Variants in RANBP2 observed in about 807,000 individuals in gnomAD.
The protein encoded by RANBP2 is RAN binding protein 2, also known as E3 SUMO-protein ligase RanBP2.
A neutral mutation model predicts 303.6 loss-of-function variants in RANBP2; 57 were observed. The ratio of observed to expected loss-of-function variants is 0.19; its 90% confidence interval spans 0.15 to 0.23. RANBP2 has a LOEUF of 0.23. Among genes scored for constraint, RANBP2 ranks in the 10% least tolerant of loss-of-function variants. The pLI is 1.00. For missense variants in RANBP2, 3,138 were observed against 3,780.8 expected (o/e 0.83, Z 4.46); for synonymous variants, 1,167 against 1,301.5 (o/e 0.90, Z 2.23).
the RANBP2 span, among the ~76,000 whole-genome samples, chr2:109,733,528 C>T: frequency 2.0e-5 from 3 of 152,030 alleles, no homozygotes; most frequent in African/African-American, 7.2e-5. Context: ...GAAAAAGATT[C>T]CCACTGCTAT....
chr2:109,076,295 A>G, the RANBP2 span, among the ~76,000 whole-genome samples: 9 of 150,956 alleles, frequency 6.0e-5, no homozygotes, highest in Middle Eastern at 3.4e-3. Context: ...ACCTTAATCC[A>G]ATAAAGACCA....
chr2:108,967,008 C>T, the RANBP2 span, among the ~76,000 whole-genome samples: 1 of 152,232 alleles, frequency 6.6e-6, no homozygotes, highest in Non-Finnish European at 1.5e-5. Flanking sequence ...AGTCTTGGCC[C>T]ACTGAAACCT....
chr2:109,153,098 G>A, the RANBP2 span, among the ~76,000 whole-genome samples: 1 of 152,156 alleles, frequency 6.6e-6, no homozygotes, highest in Non-Finnish European at 1.5e-5. Flanking sequence ...GCTTTTGTCA[G>A]AAAACCCATT....
the RANBP2 span, among the ~76,000 whole-genome samples, chr2:109,028,409 A>T: frequency 2.6e-5 from 4 of 152,216 alleles, no homozygotes; most frequent in Non-Finnish European, 4.4e-5. Context: ...GAAGAGCCTT[A>T]CACCAAGAAG....
chr2:109,456,030 C>T, the RANBP2 span, among the ~76,000 whole-genome samples: 3 of 152,232 alleles, frequency 2.0e-5, no homozygotes, highest in East Asian at 5.8e-4. Flanking sequence ...AGCCCCTTGG[C>T]CCATGCTCTG....
At chr2:109,265,169 T>C in the RANBP2 span, among the ~76,000 whole-genome samples, 2 of 151,906 alleles carry the variant, frequency 1.3e-5, no homozygotes. Context: ...AGAAGGAACA[T>C]TGAAGAGAGC....
chr2:108,889,992 CTT>C, the RANBP2 span, among the ~76,000 whole-genome samples: 1 of 152,088 alleles, frequency 6.6e-6, no homozygotes, highest in Non-Finnish European at 1.5e-5. Flanking sequence ...TGCTTCCAGG[CTT>C]AAAATTCCCT....
At chr2:108,880,543 A>T in the RANBP2 span, among the ~76,000 whole-genome samples, 1 of 151,996 alleles carries the variant, frequency 6.6e-6, no homozygotes, top group Non-Finnish European at 1.5e-5. Flanking sequence ...GGACAGGCTG[A>T]CTCTCTTGTT....
At chr2:109,718,903 G>A in the RANBP2 span, among the ~76,000 whole-genome samples, 56 of 150,370 alleles carry the variant, frequency 3.7e-4, no homozygotes, top group African/African-American at 1.2e-3. Context: ...CCAGCTACTC[G>A]TGAGGCTGAG....
At chr2:109,539,434 C>A in the RANBP2 span, among the ~76,000 whole-genome samples, 2 of 152,072 alleles carry the variant, frequency 1.3e-5, no homozygotes, top group Non-Finnish European at 2.9e-5. Context: ...GAAGTCAACC[C>A]GTGAAGCCTG....
At chr2:109,443,664 C>T in the RANBP2 span, among the ~76,000 whole-genome samples, 329 of 152,158 alleles carry the variant, frequency 2.2e-3, 2 homozygotes, top group African/African-American at 7.3e-3. Context: ...AAGGCAATTT[C>T]GTAACAATAA....
At chr2:109,574,042 C>CA in the RANBP2 span, among the ~76,000 whole-genome samples, 4 of 152,226 alleles carry the variant, frequency 2.6e-5, no homozygotes, top group South Asian at 4.1e-4. Flanking sequence ...TTAATCACTA[C>CA]AAAGGAAACT....
At chr2:109,545,870 G>C in the RANBP2 span, 37 of 1,445,630 alleles carry the variant, frequency 2.6e-5, 2 homozygotes, top group African/African-American at 2.5e-4. Context: ...TGCTGTTCTG[G>C]ATGCTGGGGA....
chr2:109,670,563 C>T, the RANBP2 span, among the ~76,000 whole-genome samples: 3 of 152,080 alleles, frequency 2.0e-5, no homozygotes, highest in Non-Finnish European at 4.4e-5. Context: ...GCAGCAGTGA[C>T]AGCAGTGGCC....
the RANBP2 span, among the ~76,000 whole-genome samples, chr2:108,934,181 A>C: frequency 6.6e-6 from 1 of 152,104 alleles, no homozygotes; most frequent in Non-Finnish European, 1.5e-5. Context: ...CAGAACTAAA[A>C]GTCTGTGGCC....
At chr2:109,130,075 CG>C in the RANBP2 span, 1 of 1,365,302 alleles carries the variant, frequency 7.3e-7, no homozygotes, top group Non-Finnish European at 9.4e-7. Context: ...CGGCAGTCTG[CG>C]GGAGCTGGCG....
the RANBP2 span, chr2:108,839,212 C>T: frequency 4.3e-6 from 7 of 1,611,416 alleles, no homozygotes; most frequent in Admixed American, 1.7e-5. Flanking sequence ...AGAGCAGCTA[C>T]AGTGGATGCC....
the RANBP2 span, among the ~76,000 whole-genome samples, chr2:109,079,486 A>T: frequency 6.6e-6 from 1 of 152,176 alleles, no homozygotes; most frequent in East Asian, 1.9e-4. Context: ...TAAAGAGTCA[A>T]CTGTATATCA....
At chr2:109,467,611 A>G in the RANBP2 span, among the ~76,000 whole-genome samples, 1 of 152,364 alleles carries the variant, frequency 6.6e-6, no homozygotes, top group Middle Eastern at 3.4e-3. Context: ...GATATTTTTA[A>G]AAGTTAAGAC....
Sources: allele counts gnomAD v4.1 joint callset (sites outside exome capture counted in the v4.1 genomes callset), GRCh38; gene constraint gnomAD v4.1.1; transcripts MANE v1.5; gene names NCBI Gene and HGNC (gene_info 2026-07-23, HGNC 2026-07-21).